TRIM33: variants seen among roughly 807,000 people sequenced by gnomAD.
TRIM33 encodes the protein E3 ubiquitin-protein ligase TRIM33.
In TRIM33, 20 loss-of-function variants were observed where a neutral mutation model predicts 125.4. The ratio of observed to expected loss-of-function variants is 0.16; its 90% CI spans 0.11 to 0.23. The LOEUF is 0.23. TRIM33 is among the 10% of genes least tolerant of loss of function. The probability of loss-of-function intolerance (pLI) is 1.00; values close to 1 mark genes in which losing one functional copy is unlikely to be tolerated. For missense variants in TRIM33, 920 were observed against 1,411.4 expected (o/e 0.65, Z 5.58); for synonymous variants, 564 against 513.9 (o/e 1.10, Z -1.32).
At chr1:114,410,446 T>C (rs1026638343) in intron 11 of TRIM33, 130 bp from the exon 12 acceptor site, 25 of 967,848 alleles carry the variant, frequency 2.6e-5, no homozygotes, top group African/African-American at 1.8e-4. Context: ...AGCCTTATTA[T>C]TGCTTCCTTA....
At chr1:114,431,995 TA>T (rs1171353898) in intron 5 of TRIM33, among the ~76,000 whole-genome samples, 1 of 152,142 alleles carries the variant, frequency 6.6e-6, no homozygotes, top group Admixed American at 6.5e-5. Flanking sequence ...TGGATTTAAT[TA>T]AGTCTACTGT....
At chr1:114,405,835 T>C in intron 14 of TRIM33, 76 bp from the exon 15 acceptor site, 2 of 1,237,714 alleles carry the variant, frequency 1.6e-6, no homozygotes, top group Non-Finnish European at 2.3e-6. Context: ...TTAACAGTTA[T>C]GTGAATATGC....
intron 1 of TRIM33, among the ~76,000 whole-genome samples, chr1:114,506,011 T>C (rs941823983): frequency 1.3e-5 from 2 of 152,152 alleles, no homozygotes; most frequent in African/African-American, 2.4e-5. Context: ...CCTAACGGGA[T>C]AGGAACTCAG....
intron 1 of TRIM33, among the ~76,000 whole-genome samples, chr1:114,496,521 A>G (rs6658383): frequency 0.35 from 53,622 of 152,104 alleles, 10,137 homozygotes; most frequent in African/African-American, 0.46. Context: ...GTGGCATCAC[A>G]AGGCATAGTA....
chr1:114,472,032 A>G (rs983863067), intron 1 of TRIM33, among the ~76,000 whole-genome samples: 2 of 152,202 alleles, frequency 1.3e-5, no homozygotes, highest in Non-Finnish European at 2.9e-5. Flanking sequence ...AAGGCATTTG[A>G]TTATAGGGTA....
intron 1 of TRIM33, among the ~76,000 whole-genome samples, chr1:114,499,420 CA>C (rs1381454113): frequency 1.3e-5 from 2 of 151,454 alleles, no homozygotes; most frequent in Non-Finnish European, 2.9e-5. Flanking sequence ...ATCTGACCAA[CA>C]GCATGGAAAT....
intron 8 of TRIM33, among the ~76,000 whole-genome samples, chr1:114,426,642 ATGTGT>A (rs1206482030): frequency 6.6e-6 from 1 of 151,954 alleles, no homozygotes; most frequent in African/African-American, 2.4e-5. Context: ...GTTTGTGTGC[ATGTGT>A]TTTAACTGAG....
At chr1:114,479,078 T>C (rs1020856310) in intron 1 of TRIM33, among the ~76,000 whole-genome samples, 1 of 152,110 alleles carries the variant, frequency 6.6e-6, no homozygotes, top group Non-Finnish European at 1.5e-5. Context: ...TGAGTGAACT[T>C]GTAGATGGAT....
At chr1:114,503,845 T>C (rs529577906) in intron 1 of TRIM33, among the ~76,000 whole-genome samples, 9 of 152,186 alleles carry the variant, frequency 5.9e-5, no homozygotes, top group East Asian at 1.9e-4. Flanking sequence ...CTAAAAACCA[T>C]AGTTTTTAAG....
Position 114,408,756 on chromosome 1 carries a change from T to TCA in TRIM33, c.2195-18_2195-17dup. 1.3e-6 allele frequency: 2 copies of TCA among 1,546,014 alleles called. No individual in the cohort carries two copies. The highest frequency in any genetic ancestry group is 1.8e-6 in the Non-Finnish European group (2 of 1,126,190). On this transcript the variant is annotated splice_polypyrimidine_tract_variant and intron_variant, in intron 12 of 19. Coordinates refer to ENST00000358465, the MANE Select transcript of TRIM33 (RefSeq NM_015906.4). The stretch of plus-strand genomic sequence containing the variant: ...TTGGATAAACCTAAAAAGTAGTAAG[T>TCA]CAAAATGAATATCAATGCATATAAG...
At chr1:114,403,824 C>G (rs1407293664) in intron 15 of TRIM33, among the ~76,000 whole-genome samples, 3 of 152,138 alleles carry the variant, frequency 2.0e-5, no homozygotes, top group Admixed American at 2.0e-4. Context: ...CCATGCCTGG[C>G]CAATTTTTGT....
intron 1 of TRIM33, among the ~76,000 whole-genome samples, chr1:114,480,521 TAA>T (rs34437164): frequency 8.8e-4 from 96 of 108,584 alleles, no homozygotes; most frequent in African/African-American, 1.8e-3. Context: ...TGCCCCGCCT[TAA>T]AAAAAAAAAA....
chr1:114,453,851 A>G (rs1243430599), intron 4 of TRIM33, among the ~76,000 whole-genome samples: 2 of 152,144 alleles, frequency 1.3e-5, no homozygotes, highest in Admixed American at 1.3e-4. Flanking sequence ...TTTTGTGCAC[A>G]CTGTCACACA....
chr1:114,457,916 T>A (rs556428906), intron 4 of TRIM33, among the ~76,000 whole-genome samples: 1 of 152,346 alleles, frequency 6.6e-6, no homozygotes, highest in Admixed American at 6.5e-5. Flanking sequence ...TTCGTAACTT[T>A]GAACAGACAA....
rs1240199121 is a variant in TRIM33, at chr1:114,395,950, C to G, written c.*1698G>C. On this transcript the variant is annotated 3_prime_UTR_variant, in exon 20 of 20. Transcript: ENST00000358465. Reference sequence around the variant, plus strand: ...TTTCTTTAGAGCACTTTATTTGATTCAATATGCATTAAAAAATATTGACCT... The same window carrying G: ...TTTCTTTAGAGCACTTTATTTGATTGAATATGCATTAAAAAATATTGACCT... 3 of 194,276 alleles carry G rather than the reference C, an allele frequency of 1.5e-5. No individual in the cohort carries two copies. The highest frequency in any genetic ancestry group is 3.2e-5 in the Non-Finnish European group (3 of 93,308). 12.0% of individuals were successfully genotyped at this position (194,276 alleles called of 1,614,324 possible).
intron 1 of TRIM33, among the ~76,000 whole-genome samples, chr1:114,507,738 C>T (rs1273098413): frequency 1.3e-5 from 2 of 152,170 alleles, no homozygotes; most frequent in South Asian, 2.1e-4. Flanking sequence ...AGTGCTCTTT[C>T]CAGCACAGCT....
At chr1:114,471,639 CAAAAA>C (rs1402782075) in intron 1 of TRIM33, among the ~76,000 whole-genome samples, 1 of 151,528 alleles carries the variant, frequency 6.6e-6, no homozygotes, top group African/African-American at 2.4e-5. Context: ...CAAAACAAAA[CAAAAA>C]GGTAAAACAA....
intron 4 of TRIM33, among the ~76,000 whole-genome samples, chr1:114,454,546 T>C (rs1649516422): frequency 6.6e-6 from 1 of 151,198 alleles, no homozygotes; most frequent in Non-Finnish European, 1.5e-5. Context: ...ATTAGCCAGA[T>C]GTGGTGGCAC....
At chr1:114,477,497 C>T (rs1373172339) in intron 1 of TRIM33, among the ~76,000 whole-genome samples, 1 of 152,182 alleles carries the variant, frequency 6.6e-6, no homozygotes, top group African/African-American at 2.4e-5. Flanking sequence ...CTGTTAATTC[C>T]TTAATCTTTG....
Sources: gnomAD v4.1 joint callset for allele counts (sites outside exome capture counted in the v4.1 genomes callset) on GRCh38, gnomAD v4.1.1 for gene constraint, MANE v1.5 for transcripts, NCBI Gene and HGNC (gene_info 2026-07-23, HGNC 2026-07-21) for gene names.